PTPRR: variants seen among roughly 807,000 people sequenced by gnomAD.
PTPRR encodes protein tyrosine phosphatase receptor type R, also known as receptor-type tyrosine-protein phosphatase R.
In PTPRR, 38 loss-of-function variants were observed where a neutral mutation model predicts 77.2. That is an observed-to-expected ratio of 0.49 (90% CI 0.38 to 0.65). The LOEUF (loss-of-function observed/expected upper bound fraction) is 0.65, where lower values mean the gene tolerates loss of function less well. Ranked by LOEUF, PTPRR falls within the 30% of genes least tolerant of loss-of-function variation. The pLI is 0.00. For missense variants in PTPRR, 744 were observed against 799.2 expected, an observed-to-expected ratio of 0.93 and a Z score of 0.83; for synonymous variants, 299 against 283.1, an observed-to-expected ratio of 1.06 and a Z score of -0.57.
intron 1 of PTPRR, among the ~76,000 whole-genome samples, chr12:70,908,490 G>A (rs548860632): frequency 8.5e-4 from 130 of 152,232 alleles, no homozygotes; most frequent in African/African-American, 3.1e-3. Flanking sequence ...GCCCAGAGAA[G>A]GGGGGAAGTC....
intron 2 of PTPRR, among the ~76,000 whole-genome samples, chr12:70,869,311 G>A (rs968449265): frequency 5.9e-5 from 9 of 152,116 alleles, no homozygotes; most frequent in African/African-American, 2.2e-4. Context: ...TAAATTGCAA[G>A]CCCTGTTTGA....
In PTPRR at chr12:70,761,505, A is replaced by G. The variant is rs1308984673; in HGVS notation, c.593T>C (p.Leu198Ser). 6.2e-7 allele frequency: 1 copy of G among 1,609,566 alleles called. No homozygotes were observed. Among genetic ancestry groups the G allele is most frequent in the Non-Finnish European group, 8.5e-7 (1 of 1,178,402 alleles). The change falls in exon 4 of 14, where the codon TTA becomes TCA. Residue 198 changes from leucine (L) to serine (S), a missense_variant. By Grantham distance (145) the Leu-to-Ser change is moderately radical (BLOSUM62 -2). This residue lies in a region of PTPRR where 570 missense variants were observed against 573.2 expected (regional missense o/e 0.99). Transcript: ENST00000283228. ...GACTTCTGTAATTCCAAACTGGGATAAACTTTGATGCAAAACATTGATATT... is the reference window on the plus strand; with the variant it reads ...GACTTCTGTAATTCCAAACTGGGATGAACTTTGATGCAAAACATTGATATT... ...SLNINVLHQS[L>S]SQFGITEVSP...
intron 2 of PTPRR, among the ~76,000 whole-genome samples, chr12:70,780,732 C>A (rs1891186846): frequency 6.6e-6 from 1 of 152,132 alleles, no homozygotes; most frequent in South Asian, 2.1e-4. Context: ...TATTCCCCAG[C>A]CCTGATGTTT....
chr12:70,752,136 C>T (rs1890420084), intron 5 of PTPRR, among the ~76,000 whole-genome samples: 1 of 152,058 alleles, frequency 6.6e-6, no homozygotes, highest in Admixed American at 6.6e-5. Context: ...TCTATGTCTC[C>T]CTCTAGAGTA....
chr12:70,839,667 T>C (rs1474476930), intron 2 of PTPRR, among the ~76,000 whole-genome samples: 5 of 152,158 alleles, frequency 3.3e-5, no homozygotes, highest in African/African-American at 4.8e-5. Flanking sequence ...AAATTATTAG[T>C]GGATTACCAA....
intron 13 of PTPRR, among the ~76,000 whole-genome samples, chr12:70,648,061 A>G (rs1020747595): frequency 3.3e-5 from 5 of 152,184 alleles, no homozygotes; most frequent in Non-Finnish European, 5.9e-5. Flanking sequence ...ACAACAGCAG[A>G]ACCCCCAAAA....
At chr12:70,780,793 CTT>C (rs1891188124) in intron 2 of PTPRR, among the ~76,000 whole-genome samples, 1 of 152,122 alleles carries the variant, frequency 6.6e-6, no homozygotes, top group Admixed American at 6.5e-5. Flanking sequence ...GATTCTTCCT[CTT>C]GTCAGTCTCC....
intron 1 of PTPRR, among the ~76,000 whole-genome samples, chr12:70,909,225 A>G (rs919062776): frequency 6.6e-6 from 1 of 152,114 alleles, no homozygotes; most frequent in Non-Finnish European, 1.5e-5. Context: ...AGCAAAACTT[A>G]ACCCAAGGGG....
chr12:70,753,804 C>A (rs34660739), intron 5 of PTPRR, among the ~76,000 whole-genome samples: 1 of 152,036 alleles, frequency 6.6e-6, no homozygotes, highest in Non-Finnish European at 1.5e-5. Context: ...AAAGACATAT[C>A]TCTTTTTAAA....
intron 2 of PTPRR, among the ~76,000 whole-genome samples, chr12:70,797,432 G>A (rs770696692): frequency 3.9e-5 from 6 of 152,088 alleles, no homozygotes; most frequent in South Asian, 4.2e-4. Flanking sequence ...ATATATATAA[G>A]CTACCTTGAA....
chr12:70,739,139 T>A (rs1889966660), intron 6 of PTPRR, among the ~76,000 whole-genome samples: 2 of 152,224 alleles, frequency 1.3e-5, no homozygotes, highest in Non-Finnish European at 2.9e-5. Flanking sequence ...CAGGCTCAAC[T>A]GTAGCAATTC....
intron 2 of PTPRR, among the ~76,000 whole-genome samples, chr12:70,881,429 A>G (rs1893147490): frequency 6.6e-6 from 1 of 152,162 alleles, no homozygotes; most frequent in East Asian, 1.9e-4. Flanking sequence ...AACATCTCTC[A>G]CACATACACA....
Position 70,771,182 on chromosome 12 carries a change from A to G in PTPRR, c.358-6404T>C, listed in dbSNP as rs540046471. Among the ~76,000 whole-genome samples the G allele has an allele frequency of 3.3e-5, 5 of 152,016 alleles. No individual in the cohort carries two copies. In the South Asian group the frequency reaches 8.3e-4, roughly 25 times the overall value. On this transcript the variant is annotated intron_variant, in intron 2 of 13. Coordinates refer to ENST00000283228, the MANE Select transcript of PTPRR (RefSeq NM_002849.4). ...TAATAAATTAAAAAAAAATAAAAAT[A>G]AAAAGATGTATTATATACACCATGG...
At position 70,920,567 on chromosome 12, in the gene PTPRR, C is replaced by G; in HGVS notation, c.-177G>C. The G allele has an allele frequency of 1.7e-6, 1 of 599,632 alleles. No homozygotes were observed. The highest frequency in any genetic ancestry group is 3.0e-6 in the Non-Finnish European group (1 of 333,620). The allele number at this position is 599,632 out of a possible 1,614,324, so 37.1% of individuals were successfully genotyped here. A position where few individuals can be genotyped will look rare whatever the true frequency, so the allele number is the denominator to read the frequency against. ...AGAAACCAGCACCAGCTTCAACCTC[C>G]CTAAGAGAGGGAGAGAGGAAGAGCA... On this transcript the variant is annotated 5_prime_UTR_variant, in exon 1 of 14. Transcript: ENST00000283228.
chr12:70,827,303 C>T (rs1015385485), intron 2 of PTPRR, among the ~76,000 whole-genome samples: 3 of 152,152 alleles, frequency 2.0e-5, no homozygotes, highest in East Asian at 1.9e-4. Flanking sequence ...AGTAGGTATC[C>T]GTCTTGATCA....
At chr12:70,770,914 A>T (rs1565690810) in intron 2 of PTPRR, among the ~76,000 whole-genome samples, 1 of 150,090 alleles carries the variant, frequency 6.7e-6, no homozygotes, top group Non-Finnish European at 1.5e-5. Context: ...ACAAAAAACC[A>T]AACACCGCAT....
chr12:70,721,146 G>A (rs1889235716), intron 6 of PTPRR, among the ~76,000 whole-genome samples: 1 of 152,168 alleles, frequency 6.6e-6, no homozygotes, highest in Admixed American at 6.5e-5. Context: ...TCCTGCAAAA[G>A]CTCTTACTTA....
intron 6 of PTPRR, among the ~76,000 whole-genome samples, chr12:70,721,280 A>G (rs557760079): frequency 6.6e-6 from 1 of 152,324 alleles, no homozygotes; most frequent in East Asian, 1.9e-4. Flanking sequence ...GAGTCAGTCA[A>G]CATTGCACAT....
At chr12:70,884,846 T>G (rs928555510) in intron 2 of PTPRR, among the ~76,000 whole-genome samples, 1 of 111,266 alleles carries the variant, frequency 9.0e-6, no homozygotes, top group East Asian at 2.6e-4. Context: ...CACTCCAGTC[T>G]GGGCAACAGA....
Sources: gnomAD v4.1 joint callset for allele counts (sites outside exome capture counted in the v4.1 genomes callset) on GRCh38, gnomAD v4.1.1 for gene constraint, gnomAD v4.1.1 regional missense constraint, MANE v1.5 for transcripts, NCBI Gene and HGNC (gene_info 2026-07-23, HGNC 2026-07-21) for gene names.